The following AOPEP variants were observed in gnomAD, a reference collection of about 807,000 sequenced individuals.
AOPEP encodes the protein aminopeptidase O (putative), also known as aminopeptidase O.
Under a neutral mutation model 98.1 loss-of-function variants are expected in AOPEP, and 77 were observed. The ratio of observed to expected loss-of-function variants is 0.78; its 90% CI spans 0.65 to 0.95. The LOEUF (loss-of-function observed/expected upper bound fraction) is 0.95, where lower values mean the gene tolerates loss of function less well. AOPEP is among the 40% of genes least tolerant of loss of function. AOPEP has a pLI of 0.00. For synonymous variants in AOPEP, 346 were observed against 365.3 expected (o/e 0.95, Z 0.60); for missense variants, 1,024 against 1,024.7 (o/e 1.00, Z 0.01).
chr9:95,099,902 G>A, the AOPEP span: 1 of 233,316 alleles, frequency 4.3e-6, no homozygotes, highest in Non-Finnish European at 8.5e-6. Context: ...AGGCCTGGCA[G>A]GGGAGGAGGA....
At chr9:94,757,771 CT>C (rs1282734834) in intron 1 of AOPEP, among the ~76,000 whole-genome samples, 3 of 151,912 alleles carry the variant, frequency 2.0e-5, no homozygotes, top group Non-Finnish European at 4.4e-5. Flanking sequence ...GTGTTCAGGG[CT>C]TTTTTTTAAT....
chr9:94,938,105 C>G (rs1456971718), intron 7 of AOPEP, among the ~76,000 whole-genome samples: 1 of 152,240 alleles, frequency 6.6e-6, no homozygotes, highest in African/African-American at 2.4e-5. Flanking sequence ...GATTTCCTGA[C>G]CTTGTGATCC....
intron 11 of AOPEP, among the ~76,000 whole-genome samples, chr9:94,998,249 A>G (rs529475540): frequency 4.4e-4 from 66 of 151,596 alleles, no homozygotes; most frequent in African/African-American, 1.6e-3. Flanking sequence ...TGGAGTAGAA[A>G]GAGTATTCCA....
chr9:94,773,381 G>A (rs1256412655), intron 3 of AOPEP: 1 of 410,502 alleles, frequency 2.4e-6, no homozygotes, highest in Non-Finnish European at 4.4e-6. Flanking sequence ...TCATACTAGA[G>A]TTGTCGGTTC....
chr9:95,096,322 C>A, the AOPEP span, among the ~76,000 whole-genome samples: 1 of 152,136 alleles, frequency 6.6e-6, no homozygotes, highest in Non-Finnish European at 1.5e-5. Flanking sequence ...CCTGGCTCCC[C>A]GACGGGCTGG....
At chr9:95,111,665 T>C in the AOPEP span, 23 of 1,613,800 alleles carry the variant, frequency 1.4e-5, no homozygotes, top group South Asian at 5.5e-5. Flanking sequence ...CACATGGCAG[T>C]TGACAACCTA....
At chr9:95,047,744 CTGAG>C (rs2065973232) in intron 13 of AOPEP, among the ~76,000 whole-genome samples, 1 of 152,130 alleles carries the variant, frequency 6.6e-6, no homozygotes, top group South Asian at 2.1e-4. Flanking sequence ...CTTTTATCTA[CTGAG>C]ATTGCTGCAA....
chr9:94,751,062 C>G (rs747491324), intron 1 of AOPEP, among the ~76,000 whole-genome samples: 11 of 151,922 alleles, frequency 7.2e-5, no homozygotes, highest in Non-Finnish European at 1.5e-4. Flanking sequence ...TCTGATTTTT[C>G]ACAAAAAAGA....
intron 2 of AOPEP, among the ~76,000 whole-genome samples, chr9:94,763,627 T>A (rs1838881951): frequency 6.6e-6 from 1 of 152,134 alleles, no homozygotes; most frequent in Non-Finnish European, 1.5e-5. Flanking sequence ...CTTGGAGAAA[T>A]GTCCAGAACA....
chr9:94,836,049 A>T (rs2041558301), intron 5 of AOPEP, among the ~76,000 whole-genome samples: 1 of 151,690 alleles, frequency 6.6e-6, no homozygotes, highest in Non-Finnish European at 1.5e-5. Context: ...CCTTGATCAG[A>T]TTGCCTGAAT....
At chr9:95,038,912 C>T (rs774251760) in intron 13 of AOPEP, among the ~76,000 whole-genome samples, 2 of 152,116 alleles carry the variant, frequency 1.3e-5, no homozygotes, top group Non-Finnish European at 2.9e-5. Flanking sequence ...TTGGGACTTA[C>T]GGATAACCTC....
At chr9:94,932,017 A>G (rs988711598) in intron 7 of AOPEP, 2 of 1,207,960 alleles carry the variant, frequency 1.7e-6, no homozygotes, top group African/African-American at 3.1e-5. Context: ...TAACGTGTCT[A>G]ACCTCCTCTA....
chr9:95,096,751 A>G, the AOPEP span, among the ~76,000 whole-genome samples: 24 of 152,278 alleles, frequency 1.6e-4, no homozygotes, highest in East Asian at 3.7e-3. Flanking sequence ...AGCCCCACCC[A>G]TGTTTCCCTT....
chr9:94,967,510 T>C (rs1218916378), intron 9 of AOPEP, among the ~76,000 whole-genome samples: 1 of 152,166 alleles, frequency 6.6e-6, no homozygotes, highest in Non-Finnish European at 1.5e-5. Context: ...ACTGTTGGAT[T>C]AGGTCAGAAT....
chr9:94,789,155 A>G (rs567959753), intron 3 of AOPEP, among the ~76,000 whole-genome samples: 55 of 152,314 alleles, frequency 3.6e-4, no homozygotes, highest in Non-Finnish European at 6.3e-4. Flanking sequence ...AGCTTCCAGT[A>G]TTCTGCAGGA....
chr9:94,949,204 C>T (rs1049783612), intron 7 of AOPEP, among the ~76,000 whole-genome samples: 1 of 152,182 alleles, frequency 6.6e-6, no homozygotes, highest in Non-Finnish European at 1.5e-5. Context: ...AGAGGAATTT[C>T]TGATACATGG....
At chr9:94,893,164 GA>G (rs747238570) in intron 5 of AOPEP, among the ~76,000 whole-genome samples, 9 of 152,164 alleles carry the variant, frequency 5.9e-5, no homozygotes, top group Non-Finnish European at 1.0e-4. Flanking sequence ...AATGGCAACT[GA>G]ACTCTAGAGT....
chr9:95,091,041 C>T (rs892613416), downstream of AOPEP, among the ~76,000 whole-genome samples: 4 of 152,164 alleles, frequency 2.6e-5, no homozygotes, highest in Non-Finnish European at 5.9e-5. Flanking sequence ...GGTGGCCGGG[C>T]CTGGGGGAGG....
intron 5 of AOPEP, among the ~76,000 whole-genome samples, chr9:94,868,115 A>G (rs1295111407): frequency 2.0e-5 from 3 of 152,226 alleles, no homozygotes; most frequent in African/African-American, 7.2e-5. Context: ...GAACGAATCC[A>G]ATGCTGACTA....
Sources: gnomAD v4.1 joint callset for allele counts (sites outside exome capture counted in the v4.1 genomes callset) on GRCh38, gnomAD v4.1.1 for gene constraint, MANE v1.5 for transcripts, NCBI Gene and HGNC (gene_info 2026-07-23, HGNC 2026-07-21) for gene names.